The following TNFSF4 variants were observed in gnomAD, a reference collection of about 807,000 sequenced individuals.
TNFSF4 encodes the protein tumor necrosis factor ligand superfamily member 4.
A neutral mutation model predicts 7.3 loss-of-function variants in TNFSF4; 4 were observed. The observed-to-expected ratio is 0.55, with a 90% CI of 0.27 to 1.25. TNFSF4 has a LOEUF of 1.25. Among genes scored for constraint, TNFSF4 ranks in the 50% most tolerant of loss-of-function variants. TNFSF4 has a pLI of 0.12. For synonymous variants in TNFSF4, 76 were observed against 83.7 expected (o/e 0.91, Z 0.50); for missense variants, 181 against 208.8 (o/e 0.87, Z 0.82).
the TNFSF4 span, among the ~76,000 whole-genome samples, chr1:173,382,039 C>G: frequency 1.3e-5 from 2 of 152,170 alleles, no homozygotes; most frequent in Non-Finnish European, 2.9e-5. Context: ...CAGCAACCTG[C>G]TTGGGTCCCC....
the TNFSF4 span, among the ~76,000 whole-genome samples, chr1:173,229,872 A>G: frequency 2.0e-5 from 3 of 152,250 alleles, no homozygotes; most frequent in Non-Finnish European, 2.9e-5. Flanking sequence ...CAATTCAACA[A>G]GAAGAGCTAA....
the TNFSF4 span, among the ~76,000 whole-genome samples, chr1:173,450,400 G>A: frequency 6.6e-6 from 1 of 152,012 alleles, no homozygotes; most frequent in South Asian, 2.1e-4. Flanking sequence ...AGATAAAGAA[G>A]AGGAAGGAAC....
the TNFSF4 span, among the ~76,000 whole-genome samples, chr1:173,322,892 C>T: frequency 2.0e-5 from 3 of 152,226 alleles, no homozygotes; most frequent in Admixed American, 2.0e-4. Flanking sequence ...GGCAGGGAAG[C>T]TCGAACTTGG....
At chr1:173,181,708 A>G (rs1444181182), downstream of TNFSF4, among the ~76,000 whole-genome samples, 2 of 152,194 alleles carry the variant, frequency 1.3e-5, no homozygotes, top group African/African-American at 4.8e-5. Context: ...CTTACATTCC[A>G]TGACTCAGGG....
At chr1:173,329,783 A>T in the TNFSF4 span, among the ~76,000 whole-genome samples, 1 of 152,144 alleles carries the variant, frequency 6.6e-6, no homozygotes, top group Non-Finnish European at 1.5e-5. Context: ...TTCAAGAAGA[A>T]ATATGGTTTT....
At chr1:173,267,076 A>G in the TNFSF4 span, among the ~76,000 whole-genome samples, 1 of 152,202 alleles carries the variant, frequency 6.6e-6, no homozygotes, top group African/African-American at 2.4e-5. Flanking sequence ...AGTGACTGTT[A>G]CCTGATTGTA....
the TNFSF4 span, among the ~76,000 whole-genome samples, chr1:173,395,037 T>TAGATAGATGATAGATAGATAGATA: frequency 1.1e-5 from 1 of 94,068 alleles, no homozygotes; most frequent in Non-Finnish European, 2.2e-5. Flanking sequence ...GATAGATAGA[T>TAGATAGATGATAGATAGATAGATA]GATAGATAGA....
chr1:173,220,814 C>T, the TNFSF4 span, among the ~76,000 whole-genome samples: 22 of 152,180 alleles, frequency 1.4e-4, no homozygotes, highest in South Asian at 1.7e-3. Flanking sequence ...TTTAAGCCAC[C>T]CAAACTATAG....
chr1:173,351,558 TA>T, the TNFSF4 span: 118,643 of 182,750 alleles, frequency 0.65, 38,644 homozygotes, highest in Admixed American at 0.69. Context: ...TAGATTTTTT[TA>T]AAGCTTCAAA....
chr1:173,275,790 G>A, the TNFSF4 span, among the ~76,000 whole-genome samples: 2 of 152,108 alleles, frequency 1.3e-5, no homozygotes, highest in African/African-American at 4.8e-5. Flanking sequence ...CAGAGGCTTT[G>A]GGGTTTAATC....
chr1:173,188,363 T>A, intron 2 of TNFSF4, 158 bp downstream of exon 2: 1 of 632,374 alleles, frequency 1.6e-6, no homozygotes, highest in Non-Finnish European at 2.8e-6. Flanking sequence ...GTATCCCTAA[T>A]GAAAATAATA....
At chr1:173,322,895 G>A in the TNFSF4 span, among the ~76,000 whole-genome samples, 33 of 152,266 alleles carry the variant, frequency 2.2e-4, no homozygotes, top group African/African-American at 6.5e-4. Flanking sequence ...AGGGAAGCTC[G>A]AACTTGGTGG....
the TNFSF4 span, among the ~76,000 whole-genome samples, chr1:173,340,506 G>A: frequency 6.6e-6 from 1 of 152,114 alleles, no homozygotes; most frequent in Non-Finnish European, 1.5e-5. Context: ...TCTAAAAAAA[G>A]GTTAAGCAAT....
At chr1:173,346,854 T>C in the TNFSF4 span, among the ~76,000 whole-genome samples, 2,815 of 152,138 alleles carry the variant, frequency 0.019, 97 homozygotes, top group African/African-American at 0.065. Flanking sequence ...ACAGGTAAAC[T>C]AAAGAAATTG....
At chr1:173,418,170 A>G in the TNFSF4 span, 1 of 152,380 alleles carries the variant, frequency 6.6e-6, no homozygotes, top group Middle Eastern at 3.4e-3. Context: ...TGACTTCCTC[A>G]TTAGGTATTC....
At chr1:173,434,772 A>C in the TNFSF4 span, among the ~76,000 whole-genome samples, 1 of 152,230 alleles carries the variant, frequency 6.6e-6, no homozygotes, top group Non-Finnish European at 1.5e-5. Flanking sequence ...AGAATGGTGA[A>C]TGTAACTGTG....
At chr1:173,179,437 A>G (rs1167106527), downstream of TNFSF4, among the ~76,000 whole-genome samples, 4 of 152,112 alleles carry the variant, frequency 2.6e-5, no homozygotes, top group East Asian at 7.7e-4. Context: ...TGGGGACTAT[A>G]CTTCTAGCTT....
chr1:173,407,413 T>C, the TNFSF4 span, among the ~76,000 whole-genome samples: 1 of 151,486 alleles, frequency 6.6e-6, no homozygotes. Flanking sequence ...TATAAAAATT[T>C]GTCGGGTGTG....
At chr1:173,179,086 A>G (rs1228053099), downstream of TNFSF4, among the ~76,000 whole-genome samples, 1 of 152,120 alleles carries the variant, frequency 6.6e-6, no homozygotes, top group African/African-American at 2.4e-5. Context: ...CCCCTCCAAG[A>G]CTCATTTCAG....
Sources: allele counts gnomAD v4.1 joint callset (sites outside exome capture counted in the v4.1 genomes callset), GRCh38; gene constraint gnomAD v4.1.1; transcripts MANE v1.5; gene names NCBI Gene and HGNC (gene_info 2026-07-23, HGNC 2026-07-21).